Variants in PRICKLE2 observed in about 807,000 individuals in gnomAD.
PRICKLE2 encodes the protein prickle-like protein 2.
In PRICKLE2, 21 loss-of-function variants were observed where a neutral mutation model predicts 81.4. That is an observed-to-expected ratio of 0.26 (90% confidence interval 0.18 to 0.37). PRICKLE2 has a LOEUF of 0.37. Among genes scored for constraint, PRICKLE2 ranks in the 10% least tolerant of loss-of-function variants. The pLI is 1.00. For synonymous variants in PRICKLE2, 456 were observed against 421.5 expected, an observed-to-expected ratio of 1.08 and a Z score of -1.00; for missense variants, 940 against 1,109.0, an observed-to-expected ratio of 0.85 and a Z score of 2.16.
intron 4 of PRICKLE2, among the ~76,000 whole-genome samples, chr3:64,158,971 T>C (rs931305110): frequency 6.6e-6 from 1 of 152,116 alleles, no homozygotes; most frequent in East Asian, 1.9e-4. Flanking sequence ...AGGAGTTAGA[T>C]AGGAATGTTC....
intron 2 of PRICKLE2, 79 bp from the exon 3 acceptor site, chr3:64,163,208 C>A (rs993954187): frequency 2.3e-6 from 2 of 874,154 alleles, no homozygotes; most frequent in Non-Finnish European, 3.9e-6. Flanking sequence ...GAAGATGATT[C>A]CCCCAGCAGG....
In PRICKLE2 at chr3:64,208,074, C is replaced by A. The variant is rs552918995; in HGVS notation, c.-40-9107G>T. Among the ~76,000 whole-genome samples, 10 of 152,256 alleles carry A rather than the reference C, an allele frequency of 6.6e-5. No homozygotes were observed. In the South Asian group the frequency reaches 1.9e-3, roughly 28 times the overall value. ...CCAAACATTCTTCTCAAGTGTACTG[C>A]CCTTTAGTAACACCTCCGTCAGGTT... On this transcript the variant is annotated intron_variant, in intron 1 of 7. Coordinates refer to ENST00000638394, the MANE Select transcript of PRICKLE2 (RefSeq NM_198859.4).
chr3:64,177,257 T>C (rs2078042279), intron 2 of PRICKLE2, among the ~76,000 whole-genome samples: 1 of 143,712 alleles, frequency 7.0e-6, no homozygotes, highest in Non-Finnish European at 1.5e-5. Flanking sequence ...TGCCTCAGCC[T>C]CCCGAGTAGC....
intron 1 of PRICKLE2, among the ~76,000 whole-genome samples, chr3:64,224,487 C>A (rs2079002536): frequency 6.6e-6 from 1 of 152,146 alleles, no homozygotes; most frequent in Non-Finnish European, 1.5e-5. Context: ...CATTTCTTTA[C>A]CTGGAAGTCT....
At chr3:64,107,723 T>C (rs898593396) in intron 7 of PRICKLE2, among the ~76,000 whole-genome samples, 2 of 152,100 alleles carry the variant, frequency 1.3e-5, no homozygotes, top group Non-Finnish European at 2.9e-5. Context: ...GGTGTGCACC[T>C]ATAGTCCCAG....
At chr3:64,237,172 C>T (rs1438103790) in intron 2 of PRICKLE2, among the ~76,000 whole-genome samples, 7 of 152,146 alleles carry the variant, frequency 4.6e-5, no homozygotes, top group East Asian at 1.9e-4. Flanking sequence ...CCCAGAGCTC[C>T]AGAGGGCGTA....
At position 64,182,357 on chromosome 3, in the gene PRICKLE2, C is replaced by T. The variant is rs571003123; in HGVS notation, c.144+16427G>A. ...CAAAAAGTAGCTGGGAGTGGTTGTG[C>T]GCATCTACAGTCCCAGTTACCTGGG... On this transcript the variant is annotated intron_variant, in intron 2 of 7. Coordinates refer to ENST00000638394, the MANE Select transcript of PRICKLE2 (RefSeq NM_198859.4). Among the ~76,000 whole-genome samples the T allele has an allele frequency of 7.1e-4, 108 of 151,592 alleles. 2 individuals carry two copies. In the East Asian group the frequency reaches 8.3e-3, roughly 12 times the overall value.
chr3:64,262,600 G>A (rs2079632168), intron 2 of PRICKLE2, among the ~76,000 whole-genome samples: 1 of 151,606 alleles, frequency 6.6e-6, no homozygotes, highest in African/African-American at 2.4e-5. Context: ...TGAGCAAGCA[G>A]GAAGGAGGCA....
At chr3:64,120,916 C>T (rs1418678840) in intron 7 of PRICKLE2, among the ~76,000 whole-genome samples, 8 of 152,166 alleles carry the variant, frequency 5.3e-5, no homozygotes, top group African/African-American at 1.9e-4. Flanking sequence ...ACCCATTATC[C>T]TGTCTCTGCC....
chr3:64,236,604 C>G (rs780295832), intron 2 of PRICKLE2, among the ~76,000 whole-genome samples: 1 of 152,188 alleles, frequency 6.6e-6, no homozygotes, highest in Non-Finnish European at 1.5e-5. Flanking sequence ...TCCATAAGAC[C>G]TATAAATAAC....
chr3:64,128,194 C>T (rs1158111979), intron 7 of PRICKLE2, among the ~76,000 whole-genome samples: 2 of 152,054 alleles, frequency 1.3e-5, no homozygotes, highest in Non-Finnish European at 2.9e-5. Flanking sequence ...GTGCCCACAG[C>T]GGATTCAGAG....
Position 64,147,593 on chromosome 3 carries a change from C to A in PRICKLE2, c.897G>T (p.Pro299=), listed in dbSNP as rs1312900152. ...GTGAGCAGAATATCTGGCCCTGCTT[C>A]GGGAGGAATGGCCGCCCCAGGAGGG... ...KKSLLGRPFL[P]KQGQIFCSRA... Residue 299 remains proline (P), a synonymous_variant, in exon 7 of 8, where the codon CCG becomes CCT. Coordinates refer to ENST00000638394, the MANE Select transcript of PRICKLE2 (RefSeq NM_198859.4). This position sits in a 1 kb window ranked among gnomAD's most constrained non-coding sequence, Gnocchi z 5.0. 2 of 1,614,216 alleles carry A rather than the reference C, an allele frequency of 1.2e-6. No individual in the cohort carries two copies. The highest frequency in any genetic ancestry group is 1.7e-6 in the Non-Finnish European group (2 of 1,180,032).
intron 7 of PRICKLE2, among the ~76,000 whole-genome samples, chr3:64,131,185 C>T (rs1216229074): frequency 6.6e-6 from 1 of 152,206 alleles, no homozygotes; most frequent in African/African-American, 2.4e-5. Flanking sequence ...TCTGTTTCAT[C>T]ACAAGCGATA....
intron 7 of PRICKLE2, among the ~76,000 whole-genome samples, chr3:64,125,035 G>A (rs115292690): frequency 9.1e-4 from 139 of 152,248 alleles, no homozygotes; most frequent in African/African-American, 2.9e-3. Flanking sequence ...AAGAACACTC[G>A]TGATTCATGA....
intron 1 of PRICKLE2, chr3:64,199,204 G>A: frequency 3.4e-6 from 2 of 596,218 alleles, no homozygotes; most frequent in South Asian, 2.0e-5. Flanking sequence ...TGCTAAGGGT[G>A]TTTACATGTG....
chr3:64,256,476 C>A (rs187124963), intron 2 of PRICKLE2, among the ~76,000 whole-genome samples: 3 of 151,964 alleles, frequency 2.0e-5, no homozygotes, highest in African/African-American at 7.3e-5. Context: ...ACTTGCATAA[C>A]CTAAAACATT....
chr3:64,235,024 T>C (rs996911550), intron 2 of PRICKLE2, among the ~76,000 whole-genome samples: 5 of 152,316 alleles, frequency 3.3e-5, no homozygotes, highest in African/African-American at 9.6e-5. Flanking sequence ...TGCTTGATGG[T>C]ATCTCACATT....
chr3:64,118,780 G>A lies in PRICKLE2; in HGVS notation c.1661-18855C>T, dbSNP rs142339321. On this transcript the variant is annotated intron_variant, in intron 7 of 7. Coordinates refer to ENST00000638394, the MANE Select transcript of PRICKLE2 (RefSeq NM_198859.4). ...AGAATGCTTGTACACTCTTGGTGAG[G>A]GTGTCGATTAGTTCAACCACTGTGG... Among the ~76,000 whole-genome samples, 54 of 152,192 alleles carry A rather than the reference G, an allele frequency of 3.5e-4. No homozygotes were observed. In the East Asian group the frequency reaches 9.8e-3, roughly 28 times the overall value.
At chr3:64,246,926 G>A (rs748943020) in intron 2 of PRICKLE2, among the ~76,000 whole-genome samples, 87 of 152,178 alleles carry the variant, frequency 5.7e-4, no homozygotes, top group Non-Finnish European at 1.1e-3. Flanking sequence ...GGAGGGGCAC[G>A]ATGTAGCCAC....
Sources: gnomAD v4.1 joint callset for allele counts (sites outside exome capture counted in the v4.1 genomes callset) on GRCh38, gnomAD v4.1.1 for gene constraint, Gnocchi (gnomAD v3.1) non-coding constraint, MANE v1.5 for transcripts, NCBI Gene and HGNC (gene_info 2026-07-23, HGNC 2026-07-21) for gene names.